The following FAM184B variants were observed in gnomAD, a reference collection of about 807,000 sequenced individuals.
FAM184B encodes the protein family with sequence similarity 184 member B.
A neutral mutation model predicts 135.9 loss-of-function variants in FAM184B; 111 were observed. The ratio of observed to expected loss-of-function variants is 0.82; its 90% CI spans 0.70 to 0.96. FAM184B has a LOEUF of 0.96. Among genes scored for constraint, FAM184B ranks in the 40% least tolerant of loss-of-function variants. The probability of loss-of-function intolerance (pLI) is 0.00; values close to 1 mark genes in which losing one functional copy is unlikely to be tolerated. For missense variants in FAM184B, 1,375 were observed against 1,323.9 expected (o/e 1.04, Z -0.60); for synonymous variants, 552 against 524.8 (o/e 1.05, Z -0.71).
At chr4:17,674,314 T>C (rs1460202854) in intron 7 of FAM184B, among the ~76,000 whole-genome samples, 2 of 152,166 alleles carry the variant, frequency 1.3e-5, no homozygotes, top group African/African-American at 2.4e-5. Context: ...CCTATACACA[T>C]AAAAGTTATG....
chr4:17,645,815 T>C (rs1374227572), intron 12 of FAM184B, among the ~76,000 whole-genome samples: 9 of 152,118 alleles, frequency 5.9e-5, no homozygotes, highest in Middle Eastern at 3.4e-3. Context: ...AGAAAATTTT[T>C]GCAATCTACT....
At chr4:17,762,223 C>G (rs982887564) in intron 1 of FAM184B, among the ~76,000 whole-genome samples, 4 of 152,116 alleles carry the variant, frequency 2.6e-5, no homozygotes, top group Non-Finnish European at 4.4e-5. Flanking sequence ...ACAAAGGATC[C>G]CCTATGAGAT....
intron 1 of FAM184B, among the ~76,000 whole-genome samples, chr4:17,730,061 A>T (rs1454362060): frequency 6.6e-6 from 1 of 152,234 alleles, no homozygotes; most frequent in Non-Finnish European, 1.5e-5. Context: ...AACACAGAGA[A>T]GTCCTTAAAG....
At chr4:17,754,553 G>GA (rs11329711) in intron 1 of FAM184B, among the ~76,000 whole-genome samples, 591 of 47,050 alleles carry the variant, frequency 0.013, 3 homozygotes, top group African/African-American at 0.022. Flanking sequence ...CTCTGTCTCA[G>GA]AAAAAAAAAA....
At chr4:17,690,038 C>T (rs964773092) in intron 6 of FAM184B, among the ~76,000 whole-genome samples, 4 of 151,980 alleles carry the variant, frequency 2.6e-5, no homozygotes, top group African/African-American at 4.8e-5. Flanking sequence ...ATCCCAGCTA[C>T]TTGGGAGGCT....
intron 12 of FAM184B, among the ~76,000 whole-genome samples, chr4:17,647,252 CTTTTTTT>C (rs3066609): frequency 2.3e-5 from 3 of 128,958 alleles, no homozygotes; most frequent in African/African-American, 6.1e-5. Flanking sequence ...GAGCCCATCC[CTTTTTTT>C]TTTTTTTTTT....
intron 13 of FAM184B, among the ~76,000 whole-genome samples, chr4:17,641,705 G>A (rs1230908406): frequency 1.8e-5 from 2 of 113,548 alleles, no homozygotes; most frequent in Admixed American, 2.3e-4. Flanking sequence ...TCATCATGTT[G>A]TCCAGGCTGG....
intron 1 of FAM184B, among the ~76,000 whole-genome samples, chr4:17,756,387 A>G (rs939350290): frequency 3.9e-5 from 6 of 152,262 alleles, no homozygotes; most frequent in Admixed American, 1.3e-4. Context: ...GGATTGAAAC[A>G]TATGAAATAT....
chr4:17,651,537 CAAAAAAA>C (rs751455835), intron 11 of FAM184B, among the ~76,000 whole-genome samples: 14 of 43,116 alleles, frequency 3.2e-4, no homozygotes, highest in South Asian at 1.8e-3. Flanking sequence ...GACTCTGTCT[CAAAAAAA>C]AAAAAAAAAA....
intron 7 of FAM184B, among the ~76,000 whole-genome samples, chr4:17,681,934 T>C (rs1020023588): frequency 1.3e-5 from 2 of 152,254 alleles, no homozygotes; most frequent in African/African-American, 2.4e-5. Flanking sequence ...GCCATCATCA[T>C]AGCAGTCATT....
At chr4:17,766,548 A>G (rs933363176) in intron 1 of FAM184B, among the ~76,000 whole-genome samples, 1 of 151,964 alleles carries the variant, frequency 6.6e-6, no homozygotes, top group East Asian at 1.9e-4. Context: ...CAGAGTGCTG[A>G]TTGGTGTATT....
chr4:17,639,924 G>A (rs1056616896), intron 13 of FAM184B, among the ~76,000 whole-genome samples: 5 of 151,704 alleles, frequency 3.3e-5, no homozygotes, highest in African/African-American at 1.2e-4. Context: ...CACCTCCCGG[G>A]TTCAAGCAGT....
At chr4:17,658,848 T>C (rs1715842905) in intron 9 of FAM184B, among the ~76,000 whole-genome samples, 1 of 151,850 alleles carries the variant, frequency 6.6e-6, no homozygotes, top group South Asian at 2.1e-4. Flanking sequence ...GCAGCCCCCC[T>C]CCTCCCTCAG....
At chr4:17,707,838 T>G (rs1401081825) in intron 2 of FAM184B, 54 bp from the exon 3 acceptor site, 1 of 1,545,270 alleles carries the variant, frequency 6.5e-7, no homozygotes, top group African/African-American at 1.4e-5. Context: ...TATAGAGACA[T>G]CCTGTGTACA....
At chr4:17,663,647 C>T (rs567797928) in intron 8 of FAM184B, among the ~76,000 whole-genome samples, 59 of 151,248 alleles carry the variant, frequency 3.9e-4, no homozygotes, top group Middle Eastern at 3.4e-3. Context: ...CACACACAAA[C>T]TGTAGTTTGT....
chr4:17,747,729 G>T, intron 1 of FAM184B, among the ~76,000 whole-genome samples: 1 of 151,774 alleles, frequency 6.6e-6, no homozygotes, highest in Non-Finnish European at 1.5e-5. Context: ...AGACCATCCT[G>T]GCTAACACGA....
At chr4:17,652,745 G>T in intron 11 of FAM184B, 85 bp downstream of exon 11, 2 of 1,452,590 alleles carry the variant, frequency 1.4e-6, no homozygotes, top group Non-Finnish European at 9.3e-7. Context: ...GAACCCTGGA[G>T]CCCTGGCCCT....
At chr4:17,639,148 C>T (rs1046789558) in intron 14 of FAM184B, 102 bp downstream of exon 14, 1 of 1,266,714 alleles carries the variant, frequency 7.9e-7, no homozygotes, top group Non-Finnish European at 1.1e-6. Context: ...CCAGGACTTT[C>T]AATTTGAAAA....
At chr4:17,777,069 T>C (rs1718942207) in intron 1 of FAM184B, among the ~76,000 whole-genome samples, 1 of 152,220 alleles carries the variant, frequency 6.6e-6, no homozygotes, top group Admixed American at 6.5e-5. Flanking sequence ...GTAATCTTCA[T>C]AGCAGCATTA....
Sources: allele counts gnomAD v4.1 joint callset (sites outside exome capture counted in the v4.1 genomes callset), GRCh38; gene constraint gnomAD v4.1.1; transcripts MANE v1.5; gene names NCBI Gene and HGNC (gene_info 2026-07-23, HGNC 2026-07-21).